Variants in SEMA3E observed in about 807,000 individuals in gnomAD.
The protein encoded by SEMA3E is semaphorin 3E, also known as semaphorin-3E.
In SEMA3E, 49 loss-of-function variants were observed where a neutral mutation model predicts 93.6. That is an observed-to-expected ratio of 0.52 (90% CI 0.42 to 0.66). SEMA3E has a LOEUF of 0.66. SEMA3E is among the 30% of genes least tolerant of loss of function. The pLI is 0.00. For synonymous variants in SEMA3E, 363 were observed against 330.7 expected (o/e 1.10, Z -1.06); for missense variants, 906 against 964.8 (o/e 0.94, Z 0.81).
At chr7:83,438,518 A>G (rs2713169) in intron 4 of SEMA3E, among the ~76,000 whole-genome samples, 109,979 of 151,918 alleles carry the variant, frequency 0.72, 40,831 homozygotes, top group East Asian at 1. Context: ...TAACAGTTAC[A>G]CACATGCCTT....
intron 1 of SEMA3E, among the ~76,000 whole-genome samples, chr7:83,588,826 C>T (rs1021220122): frequency 6.6e-6 from 1 of 152,154 alleles, no homozygotes; most frequent in African/African-American, 2.4e-5. Flanking sequence ...ACTGTATAAT[C>T]TGAAAACCTC....
At chr7:83,476,235 G>C (rs1790005795) in intron 2 of SEMA3E, among the ~76,000 whole-genome samples, 1 of 152,130 alleles carries the variant, frequency 6.6e-6, no homozygotes, top group African/African-American at 2.4e-5. Context: ...GGAGATTACA[G>C]TAAAGTTTGA....
intron 1 of SEMA3E, among the ~76,000 whole-genome samples, chr7:83,540,367 AGTACTACTG>A (rs535888113): frequency 0.012 from 1,840 of 152,304 alleles, 17 homozygotes; most frequent in Non-Finnish European, 0.019. Context: ...GAAATTAAAC[AGTACTACTG>A]GTCTTTGAAT....
chr7:83,612,012 G>T (rs1221078663), intron 1 of SEMA3E, among the ~76,000 whole-genome samples: 1 of 152,068 alleles, frequency 6.6e-6, no homozygotes, highest in African/African-American at 2.4e-5. Flanking sequence ...TTCACAGAAG[G>T]TATTCTAATG....
At chr7:83,479,087 C>G (rs1790084616) in intron 2 of SEMA3E, among the ~76,000 whole-genome samples, 1 of 152,174 alleles carries the variant, frequency 6.6e-6, no homozygotes, top group Admixed American at 6.5e-5. Context: ...ACGAACTAGT[C>G]TGTGGTTTCC....
rs1014087744 is a variant in SEMA3E, at chr7:83,649,113, T to C, written c.-571A>G. The C allele has an allele frequency of 1.3e-5, 2 of 155,042 alleles. No homozygotes were observed. The highest frequency in any genetic ancestry group is 2.9e-5 in the Non-Finnish European group (2 of 69,852). 9.6% of individuals were successfully genotyped at this position (155,042 alleles called of 1,614,324 possible). A position where few individuals can be genotyped will look rare whatever the true frequency, so the allele number is the denominator to read the frequency against. Reference sequence around the variant, plus strand: ...AGCAGGGATGCAGTCTGTCAGTGGCTGTTTACAGGAAAGTTCAGGCAGGGT... The same window carrying C: ...AGCAGGGATGCAGTCTGTCAGTGGCCGTTTACAGGAAAGTTCAGGCAGGGT... On this transcript the variant is annotated 5_prime_UTR_variant, in exon 1 of 17. Coordinates refer to ENST00000643230, the MANE Select transcript of SEMA3E (RefSeq NM_012431.3).
chr7:83,488,486 T>G (rs1466699123), intron 2 of SEMA3E, among the ~76,000 whole-genome samples: 1 of 152,178 alleles, frequency 6.6e-6, no homozygotes, highest in Non-Finnish European at 1.5e-5. Context: ...GCAGCTCTAC[T>G]AGAAGTTTGG....
At chr7:83,497,720 C>G (rs1207239737) in intron 1 of SEMA3E, among the ~76,000 whole-genome samples, 1 of 152,120 alleles carries the variant, frequency 6.6e-6, no homozygotes, top group African/African-American at 2.4e-5. Flanking sequence ...GCTAATTGCT[C>G]TTTTTAGCAA....
At chr7:83,643,473 G>A (rs1037815080) in intron 1 of SEMA3E, among the ~76,000 whole-genome samples, 4 of 151,718 alleles carry the variant, frequency 2.6e-5, no homozygotes, top group African/African-American at 9.7e-5. Flanking sequence ...TCCTAACCCT[G>A]AGCTTCCCTC....
chr7:83,463,018 A>ACTGC (rs999672438), intron 4 of SEMA3E, among the ~76,000 whole-genome samples: 2 of 143,192 alleles, frequency 1.4e-5, no homozygotes, highest in African/African-American at 2.5e-5. Context: ...CCTAGGCTGT[A>ACTGC]CTGCCGCAAA....
At position 83,367,818 on chromosome 7, in the gene SEMA3E, T is replaced by A; in HGVS notation, c.2096A>T (p.Gln699Leu). The A allele has an allele frequency of 6.2e-7, 1 of 1,614,158 alleles. No individual in the cohort carries two copies. Among genetic ancestry groups the A allele is most frequent in the Non-Finnish European group, 8.5e-7 (1 of 1,180,010 alleles). ...TTTTGCTCCCTGCGAGATGCTACTC[T>A]GAGCAGGACAAGGCATCCTGTGATG... Reference protein sequence around the residue: ...DRHHRMPCPAQSSISQGAKPW... With the variant: ...DRHHRMPCPALSSISQGAKPW... The change falls in exon 17 of 17, where the codon CAG (glutamine) becomes CTG (leucine). Residue 699 changes from glutamine (Q) to leucine (L), a missense_variant. Gln to Leu is a moderately radical substitution (Grantham distance 113, BLOSUM62 -2). Transcript: ENST00000643230.
intron 1 of SEMA3E, among the ~76,000 whole-genome samples, chr7:83,531,810 G>A (rs1056096953): frequency 2.6e-5 from 4 of 152,124 alleles, no homozygotes; most frequent in African/African-American, 9.7e-5. Flanking sequence ...TACTTAAATA[G>A]TTCACTTCTT....
intron 4 of SEMA3E, among the ~76,000 whole-genome samples, chr7:83,420,536 G>C (rs1788652197): frequency 6.6e-6 from 1 of 151,878 alleles, no homozygotes; most frequent in Non-Finnish European, 1.5e-5. Flanking sequence ...CAAAAACAAA[G>C]AAAAACTGGA....
intron 6 of SEMA3E, 78 bp downstream of exon 6, chr7:83,408,290 T>G: frequency 3.2e-6 from 5 of 1,542,336 alleles, no homozygotes; most frequent in Middle Eastern, 1.7e-4. Flanking sequence ...TTCTTATTAT[T>G]ATCAAAATGG....
chr7:83,545,814 A>ATT (rs1020172187), intron 1 of SEMA3E, among the ~76,000 whole-genome samples: 1 of 134,366 alleles, frequency 7.4e-6, no homozygotes, highest in Non-Finnish European at 1.6e-5. Flanking sequence ...TATATCCAGT[A>ATT]TTATATATAT....
chr7:83,443,668 A>G (rs1039983796), intron 4 of SEMA3E, among the ~76,000 whole-genome samples: 1 of 152,166 alleles, frequency 6.6e-6, no homozygotes, highest in East Asian at 1.9e-4. Flanking sequence ...AAAGATCATC[A>G]TATATATACT....
intron 8 of SEMA3E, 138 bp from the exon 9 acceptor site, chr7:83,405,657 G>T: frequency 2.5e-6 from 2 of 802,138 alleles, no homozygotes; most frequent in South Asian, 1.5e-5. Context: ...ATACAACCAT[G>T]ACCAAGTCAT....
chr7:83,364,728 T>C lies in SEMA3E; in HGVS notation c.*2858A>G, dbSNP rs1794640906. 1 of 152,194 alleles carries C rather than the reference T, an allele frequency of 6.6e-6. No homozygotes were observed. Among genetic ancestry groups the C allele is most frequent in the East Asian group, 1.9e-4 (1 of 5,188 alleles). 9.4% of individuals were successfully genotyped at this position (152,194 alleles called of 1,614,324 possible). On this transcript the variant is annotated 3_prime_UTR_variant, in exon 17 of 17. Transcript: ENST00000643230. ...TCCTGTAACAAAGATAGAAGAGGTCTAAAGAAGCAGGAGACCGGCCCTCGA... is the reference window on the plus strand; with the variant it reads ...TCCTGTAACAAAGATAGAAGAGGTCCAAAGAAGCAGGAGACCGGCCCTCGA...
At chr7:83,397,791 T>A (rs1034734273) in intron 11 of SEMA3E, among the ~76,000 whole-genome samples, 3 of 152,180 alleles carry the variant, frequency 2.0e-5, no homozygotes, top group Non-Finnish European at 2.9e-5. Flanking sequence ...ATTTCAGCAG[T>A]TTGTTGAAAT....
Sources: allele counts gnomAD v4.1 joint callset (sites outside exome capture counted in the v4.1 genomes callset), GRCh38; gene constraint gnomAD v4.1.1; transcripts MANE v1.5; gene names NCBI Gene and HGNC (gene_info 2026-07-23, HGNC 2026-07-21).